SLC9C1: variants seen among roughly 807,000 people sequenced by gnomAD.
The protein encoded by SLC9C1 is solute carrier family 9 member C1.
Under a neutral mutation model 140.9 loss-of-function variants are expected in SLC9C1, and 97 were observed. That is an observed-to-expected ratio of 0.69 (90% CI 0.58 to 0.82). SLC9C1 has a LOEUF of 0.82. SLC9C1 is among the 40% of genes least tolerant of loss of function. The probability of loss-of-function intolerance (pLI) is 0.00; values close to 1 mark genes in which losing one functional copy is unlikely to be tolerated. For missense variants in SLC9C1, 1,340 were observed against 1,389.3 expected (o/e 0.96, Z 0.56); for synonymous variants, 440 against 442.6 (o/e 0.99, Z 0.07).
intron 8 of SLC9C1, among the ~76,000 whole-genome samples, chr3:112,264,929 G>GT (rs1279708309): frequency 6.6e-6 from 1 of 151,906 alleles, no homozygotes; most frequent in East Asian, 1.9e-4. Context: ...AGATGAGGGA[G>GT]TAGAAGGATT....
chr3:112,283,413 T>G (rs4611789), intron 2 of SLC9C1, among the ~76,000 whole-genome samples: 90,391 of 150,892 alleles, frequency 0.6, 27,434 homozygotes, highest in East Asian at 0.79. Flanking sequence ...CACCCGAGGT[T>G]TTGAAGCTGC....
intron 10 of SLC9C1, among the ~76,000 whole-genome samples, chr3:112,249,894 G>A (rs1477794219): frequency 6.6e-6 from 1 of 151,626 alleles, no homozygotes; most frequent in Non-Finnish European, 1.5e-5. Flanking sequence ...CCAACTTCTG[G>A]TTTCATCGAT....
intron 13 of SLC9C1, among the ~76,000 whole-genome samples, chr3:112,226,511 C>G (rs898922937): frequency 6.6e-6 from 1 of 152,024 alleles, no homozygotes; most frequent in Admixed American, 6.6e-5. Flanking sequence ...CACTTGAGGT[C>G]AGGAGTTTGA....
intron 26 of SLC9C1, 133 bp from the exon 27 acceptor site, chr3:112,155,182 A>C (rs2075095029): frequency 4.7e-6 from 3 of 640,770 alleles, no homozygotes; most frequent in Non-Finnish European, 7.4e-6. Flanking sequence ...TGGTAATCTC[A>C]TTTGGTTAAA....
At chr3:112,290,700 G>C (rs2080653686) in intron 1 of SLC9C1, among the ~76,000 whole-genome samples, 1 of 152,098 alleles carries the variant, frequency 6.6e-6, no homozygotes, top group Non-Finnish European at 1.5e-5. Context: ...CTCTTTGAAA[G>C]TCTCTAAGAA....
intron 12 of SLC9C1, 70 bp from the exon 13 acceptor site, chr3:112,231,556 G>C (rs2078830307): frequency 6.9e-7 from 1 of 1,456,120 alleles, no homozygotes; most frequent in African/African-American, 1.4e-5. Flanking sequence ...AAATCCACAA[G>C]CAATTTTTGT....
At chr3:112,177,208 T>C (rs2077356269) in intron 23 of SLC9C1, among the ~76,000 whole-genome samples, 1 of 151,998 alleles carries the variant, frequency 6.6e-6, no homozygotes, top group South Asian at 2.1e-4. Context: ...GGTTTCACCA[T>C]GTTGGCCAGG....
intron 26 of SLC9C1, among the ~76,000 whole-genome samples, chr3:112,156,717 A>T (rs1482757195): frequency 6.6e-6 from 1 of 152,020 alleles, no homozygotes; most frequent in Non-Finnish European, 1.5e-5. Flanking sequence ...GACAGTAGTC[A>T]TTCTAACTAA....
chr3:112,233,556 T>A (rs60228827), intron 12 of SLC9C1, among the ~76,000 whole-genome samples: 15,844 of 152,138 alleles, frequency 0.1, 885 homozygotes, highest in East Asian at 0.2. Flanking sequence ...TATGTATACA[T>A]GTGCCATGTT....
At chr3:112,267,438 T>G (rs1035670319) in intron 7 of SLC9C1, among the ~76,000 whole-genome samples, 1 of 151,586 alleles carries the variant, frequency 6.6e-6, no homozygotes, top group African/African-American at 2.4e-5. Context: ...TAGCCGGGCG[T>G]CGTGGCGGGC....
intron 20 of SLC9C1, among the ~76,000 whole-genome samples, chr3:112,185,142 C>A (rs2077508141): frequency 6.6e-6 from 1 of 152,090 alleles, no homozygotes; most frequent in South Asian, 2.1e-4. Flanking sequence ...TTGGAGAACT[C>A]CCAAGGTGGC....
chr3:112,156,428 C>T (rs1275890604), intron 26 of SLC9C1, among the ~76,000 whole-genome samples: 1 of 151,964 alleles, frequency 6.6e-6, no homozygotes, highest in Non-Finnish European at 1.5e-5. Context: ...TGTTGATGAA[C>T]ACTTATGTTG....
chr3:112,176,622 A>G (rs2077341839), intron 23 of SLC9C1, among the ~76,000 whole-genome samples: 1 of 152,246 alleles, frequency 6.6e-6, no homozygotes, highest in Admixed American at 6.5e-5. Context: ...TCATGATAAC[A>G]CTACAGAGAT....
chr3:112,222,086 T>C (rs4682372), intron 13 of SLC9C1, among the ~76,000 whole-genome samples: 69,109 of 151,994 alleles, frequency 0.45, 16,204 homozygotes, highest in East Asian at 0.63. Context: ...AGGAATTCAA[T>C]AGAGTACACT....
chr3:112,266,799 ACTT>A (rs1408945784), intron 7 of SLC9C1, among the ~76,000 whole-genome samples: 3 of 152,190 alleles, frequency 2.0e-5, no homozygotes, highest in African/African-American at 7.2e-5. Flanking sequence ...TGTCATTCAT[ACTT>A]CGACTATTTC....
At chr3:112,190,044 T>C (rs2077621285) in intron 20 of SLC9C1, among the ~76,000 whole-genome samples, 1 of 152,198 alleles carries the variant, frequency 6.6e-6, no homozygotes, top group African/African-American at 2.4e-5. Context: ...TGTCTGTTAT[T>C]TGTGTATATG....
At chr3:112,149,872 T>C (rs1452281672) in intron 28 of SLC9C1, among the ~76,000 whole-genome samples, 2 of 151,910 alleles carry the variant, frequency 1.3e-5, no homozygotes, top group East Asian at 3.9e-4. Flanking sequence ...GGTGAATGAG[T>C]GCTCCACATA....
rs2080768912 is a variant in SLC9C1 at position 112,294,153 on chromosome 3, T to C, written c.-148A>G. 6.6e-6 allele frequency: 1 copy of C among 152,224 alleles called. No homozygotes were observed. Among genetic ancestry groups the C allele is most frequent in the Admixed American group, 6.5e-5 (1 of 15,272 alleles). 9.4% of individuals were successfully genotyped at this position (152,224 alleles called of 1,614,324 possible). A position where few individuals can be genotyped will look rare whatever the true frequency, so the allele number is the denominator to read the frequency against. On this transcript the variant is annotated 5_prime_UTR_variant, in exon 1 of 29. Transcript: ENST00000305815. ...CAAGTGAGAAGTGGGGGGCAGCTATTTCGCTCACAGCCAAACAGCCCAGAC... is the reference window on the plus strand; with the variant it reads ...CAAGTGAGAAGTGGGGGGCAGCTATCTCGCTCACAGCCAAACAGCCCAGAC...
intron 10 of SLC9C1, among the ~76,000 whole-genome samples, chr3:112,254,807 A>C (rs2079558599): frequency 6.6e-6 from 1 of 152,176 alleles, no homozygotes; most frequent in Non-Finnish European, 1.5e-5. Context: ...CAAGCTGGAT[A>C]AAGAACCAAG....
Sources: gnomAD v4.1 joint callset for allele counts (sites outside exome capture counted in the v4.1 genomes callset) on GRCh38, gnomAD v4.1.1 for gene constraint, MANE v1.5 for transcripts, NCBI Gene and HGNC (gene_info 2026-07-23, HGNC 2026-07-21) for gene names.